The following CYFIP1 variants were observed in gnomAD, a reference collection of about 807,000 sequenced individuals.
CYFIP1 encodes the protein cytoplasmic FMR1 interacting protein 1, also known as cytoplasmic FMR1-interacting protein 1.
In CYFIP1, 58 loss-of-function variants were observed where a neutral mutation model predicts 163.5. That is an observed-to-expected ratio of 0.35 (90% CI 0.29 to 0.44). The LOEUF (loss-of-function observed/expected upper bound fraction) is 0.44, where lower values mean the gene tolerates loss of function less well. CYFIP1 is among the 20% of genes least tolerant of loss of function. The probability of loss-of-function intolerance (pLI) is 1.00; values close to 1 mark genes in which losing one functional copy is unlikely to be tolerated. For synonymous variants in CYFIP1, 663 were observed against 660.7 expected (o/e 1.00, Z -0.05); for missense variants, 1,338 against 1,653.8 (o/e 0.81, Z 3.31).
intron 12 of CYFIP1, among the ~76,000 whole-genome samples, chr15:22,926,467 T>C (rs1024993110): frequency 6.6e-6 from 1 of 151,574 alleles, no homozygotes. Flanking sequence ...AGCCCAAGAG[T>C]TCAAGATCAG....
At chr15:22,876,076 G>A (rs911052699) in intron 26 of CYFIP1, among the ~76,000 whole-genome samples, 4 of 151,652 alleles carry the variant, frequency 2.6e-5, no homozygotes, top group Non-Finnish European at 5.9e-5. Flanking sequence ...GCAGGCAGAA[G>A]GTGATGGAGC....
At chr15:22,971,866 A>T (rs2063107315) in intron 1 of CYFIP1, among the ~76,000 whole-genome samples, 1 of 151,830 alleles carries the variant, frequency 6.6e-6, no homozygotes, top group African/African-American at 2.4e-5. Flanking sequence ...TAGGTAACTC[A>T]TCTCAAAAAA....
intron 21 of CYFIP1, among the ~76,000 whole-genome samples, chr15:22,907,822 G>A (rs1249983439): frequency 6.6e-6 from 1 of 152,186 alleles, no homozygotes; most frequent in Non-Finnish European, 1.5e-5. Flanking sequence ...CTCCGGCCCT[G>A]GCTCCAGCAT....
intron 1 of CYFIP1, among the ~76,000 whole-genome samples, chr15:22,950,096 G>A (rs1211484209): frequency 6.6e-6 from 1 of 152,116 alleles, no homozygotes; most frequent in African/African-American, 2.4e-5. Flanking sequence ...CAATGATAAA[G>A]ATAGTGATCT....
At chr15:22,924,126 G>A (rs1012615180) in intron 13 of CYFIP1, among the ~76,000 whole-genome samples, 1 of 152,096 alleles carries the variant, frequency 6.6e-6, no homozygotes, top group Admixed American at 6.6e-5. Flanking sequence ...TGTGAATCTT[G>A]AAAATTATGC....
intron 3 of CYFIP1, among the ~76,000 whole-genome samples, chr15:22,945,724 C>A (rs956496015): frequency 1.3e-5 from 2 of 151,504 alleles, no homozygotes; most frequent in Admixed American, 1.3e-4. Context: ...CAGGTGTGCG[C>A]ACCACCATGC....
intron 1 of CYFIP1, among the ~76,000 whole-genome samples, chr15:22,972,883 C>T (rs2063147415): frequency 6.6e-6 from 1 of 152,050 alleles, no homozygotes; most frequent in Non-Finnish European, 1.5e-5. Context: ...CACCTGTAAT[C>T]CCAACACTTT....
intron 1 of CYFIP1, among the ~76,000 whole-genome samples, chr15:22,959,228 T>C (rs2062590027): frequency 6.6e-6 from 1 of 152,152 alleles, no homozygotes; most frequent in Non-Finnish European, 1.5e-5. Context: ...CATAAACAAT[T>C]AAGGAGTGCT....
At chr15:22,956,529 C>T (rs1411333788) in intron 1 of CYFIP1, among the ~76,000 whole-genome samples, 4 of 152,112 alleles carry the variant, frequency 2.6e-5, no homozygotes, top group Non-Finnish European at 5.9e-5. Context: ...TTCAATAAGC[C>T]AGCATCCCTG....
rs895635330 is a variant in CYFIP1, at chr15:22,869,183, C to T, written c.*845G>A. 2 of 152,280 alleles carry T rather than the reference C, an allele frequency of 1.3e-5. No individual in the cohort carries two copies. Among genetic ancestry groups the T allele is most frequent in the African/African-American group, 4.8e-5 (2 of 41,438 alleles). The allele number at this position is 152,280 out of a possible 1,614,324, so 9.4% of individuals were successfully genotyped here. On this transcript the variant is annotated 3_prime_UTR_variant, in exon 31 of 31. Coordinates refer to ENST00000617928, the MANE Select transcript of CYFIP1 (RefSeq NM_014608.6). ...TGATCTCCTCCCACATTGCTGGCTTCCTCCAGGTCATGGGCACAGGTAACA... is the reference window on the plus strand; with the variant it reads ...TGATCTCCTCCCACATTGCTGGCTTTCTCCAGGTCATGGGCACAGGTAACA...
At chr15:22,955,390 C>G (rs2062410207) in intron 1 of CYFIP1, among the ~76,000 whole-genome samples, 1 of 152,218 alleles carries the variant, frequency 6.6e-6, no homozygotes. Context: ...GCCAGAGGCA[C>G]AGAGGTACAG....
chr15:22,895,248 T>G (rs199956805), intron 22 of CYFIP1, among the ~76,000 whole-genome samples: 1 of 152,132 alleles, frequency 6.6e-6, no homozygotes, highest in East Asian at 1.9e-4. Context: ...TCTCCTGACC[T>G]CGTGATCTGT....
intron 9 of CYFIP1, among the ~76,000 whole-genome samples, chr15:22,936,362 C>T (rs2061709892): frequency 1.3e-5 from 2 of 152,168 alleles, no homozygotes; most frequent in African/African-American, 4.8e-5. Context: ...AGTGGCACAT[C>T]ACGAAGGGAA....
chr15:22,942,586 G>A (rs539396593), intron 6 of CYFIP1, among the ~76,000 whole-genome samples: 25 of 152,238 alleles, frequency 1.6e-4, no homozygotes, highest in African/African-American at 6.0e-4. Context: ...TCTTCCGCTC[G>A]TCTTGCCAGC....
At chr15:22,979,479 C>G (rs1256829728) in intron 1 of CYFIP1, among the ~76,000 whole-genome samples, 1 of 152,024 alleles carries the variant, frequency 6.6e-6, no homozygotes, top group Non-Finnish European at 1.5e-5. Context: ...AGCCTCAGTC[C>G]CCAGCGGCGA....
chr15:22,883,152 A>C lies in CYFIP1; in HGVS notation c.2677-141T>G, dbSNP rs183624759. On this transcript the variant is annotated intron_variant, in intron 23 of 30. Coordinates refer to ENST00000617928, the MANE Select transcript of CYFIP1 (RefSeq NM_014608.6). ...TGACTTGTAAAATCTACTGCCCTTA[A>C]CTGGTACAGTTACAAAACCTACTTA... is the stretch of plus-strand genomic sequence containing the variant. The C allele has an allele frequency of 1.9e-5, 17 of 915,874 alleles. No homozygotes were observed. The East Asian group carries it at 4.4e-4, about 24-fold the overall frequency. 56.7% of individuals were successfully genotyped at this position (915,874 alleles called of 1,614,324 possible).
intron 1 of CYFIP1, among the ~76,000 whole-genome samples, chr15:22,949,070 T>C (rs1487832179): frequency 6.6e-6 from 1 of 152,180 alleles, no homozygotes; most frequent in African/African-American, 2.4e-5. Flanking sequence ...CAAGAAGCTC[T>C]ATGGATCCCA....
rs569804764 is a variant in CYFIP1 at position 22,907,534 on chromosome 15, T to C, written c.2388+1660A>G. Among the ~76,000 whole-genome samples, 9 of 152,296 alleles carry C rather than the reference T, an allele frequency of 5.9e-5. No individual in the cohort carries two copies. In the South Asian group the frequency reaches 1.0e-3, roughly 18 times the overall value. On this transcript the variant is annotated intron_variant, in intron 21 of 30. Coordinates refer to ENST00000617928, the MANE Select transcript of CYFIP1 (RefSeq NM_014608.6). The stretch of plus-strand genomic sequence containing the variant: ...AACCAGTTCTCAGACCCAGAGCTCC[T>C]TGGGTGAAGGGGAGAAAGGACCTTG...
intron 23 of CYFIP1, among the ~76,000 whole-genome samples, chr15:22,892,671 C>G (rs1464172467): frequency 1.3e-5 from 2 of 152,150 alleles, no homozygotes; most frequent in Non-Finnish European, 2.9e-5. Flanking sequence ...ACTACGTACG[C>G]GCTAGTTCTA....
Sources: gnomAD v4.1 joint callset for allele counts (sites outside exome capture counted in the v4.1 genomes callset) on GRCh38, gnomAD v4.1.1 for gene constraint, MANE v1.5 for transcripts, NCBI Gene and HGNC (gene_info 2026-07-23, HGNC 2026-07-21) for gene names.